FAM120B: variants seen among roughly 807,000 people sequenced by gnomAD.
The protein encoded by FAM120B is family with sequence similarity 120 member B.
A neutral mutation model predicts 96.3 loss-of-function variants in FAM120B; 83 were observed. That is an observed-to-expected ratio of 0.86 (90% confidence interval 0.72 to 1.03). FAM120B has a LOEUF of 1.03. Among genes scored for constraint, FAM120B ranks in the 50% least tolerant of loss-of-function variants. FAM120B has a pLI of 0.00. For missense variants in FAM120B, 1,027 were observed against 1,121.2 expected (o/e 0.92, Z 1.20); for synonymous variants, 407 against 402.7 (o/e 1.01, Z -0.13).
intron 9 of FAM120B, among the ~76,000 whole-genome samples, chr6:170,398,068 T>A (rs1218359956): frequency 6.6e-6 from 1 of 152,142 alleles, no homozygotes; most frequent in African/African-American, 2.4e-5. Flanking sequence ...GATGGGAGGA[T>A]GGGAAAGAGG....
chr6:170,367,981 CA>C (rs1475101520), intron 6 of FAM120B, among the ~76,000 whole-genome samples: 1 of 152,140 alleles, frequency 6.6e-6, no homozygotes, highest in Non-Finnish European at 1.5e-5. Flanking sequence ...GGGGGCCTTA[CA>C]AGCATCAAGT....
chr6:170,340,987 T>TCTC (rs1029159098), intron 4 of FAM120B, among the ~76,000 whole-genome samples: 21 of 152,328 alleles, frequency 1.4e-4, no homozygotes, highest in African/African-American at 4.3e-4. Flanking sequence ...GAGGAAGCAG[T>TCTC]CTGTCCCTCA....
chr6:170,313,304 G>T (rs1342790555), intron 1 of FAM120B, among the ~76,000 whole-genome samples: 1 of 152,174 alleles, frequency 6.6e-6, no homozygotes, highest in Non-Finnish European at 1.5e-5. Flanking sequence ...TCACTTTTTA[G>T]GCGGGGGAGG....
At chr6:170,300,615 C>T (rs979012508) in intron 1 of FAM120B, among the ~76,000 whole-genome samples, 1 of 152,214 alleles carries the variant, frequency 6.6e-6, no homozygotes, top group Non-Finnish European at 1.5e-5. Context: ...AAGTCTCTTC[C>T]ACCTATAAGC....
chr6:170,354,693 G>C (rs1445420870), intron 5 of FAM120B, among the ~76,000 whole-genome samples: 2 of 152,106 alleles, frequency 1.3e-5, no homozygotes, highest in Non-Finnish European at 2.9e-5. Context: ...GGAGGCTGAG[G>C]CAGGCAGATC....
At chr6:170,300,703 A>T (rs1398435973) in intron 1 of FAM120B, among the ~76,000 whole-genome samples, 2 of 152,224 alleles carry the variant, frequency 1.3e-5, no homozygotes, top group African/African-American at 4.8e-5. Flanking sequence ...CCCGTTCCAA[A>T]TAGGAGACAC....
chr6:170,313,309 G>A (rs1334525986), intron 1 of FAM120B, among the ~76,000 whole-genome samples: 2 of 152,264 alleles, frequency 1.3e-5, no homozygotes, highest in African/African-American at 4.8e-5. Context: ...TTTTAGGCGG[G>A]GGAGGAGAGG....
intron 5 of FAM120B, among the ~76,000 whole-genome samples, chr6:170,356,835 G>C (rs909908809): frequency 6.6e-6 from 1 of 152,134 alleles, no homozygotes; most frequent in Non-Finnish European, 1.5e-5. Flanking sequence ...ACTCATCTGA[G>C]AATATCCTCT....
chr6:170,399,585 C>T (rs76571044), intron 9 of FAM120B, among the ~76,000 whole-genome samples: 3 of 143,566 alleles, frequency 2.1e-5, no homozygotes, highest in African/African-American at 5.2e-5. Context: ...ATGTCATAAC[C>T]CTTAGGAGTG....
At chr6:170,322,964 AC>A in intron 2 of FAM120B, 114 bp from the exon 3 acceptor site, 1 of 809,330 alleles carries the variant, frequency 1.2e-6, no homozygotes. Flanking sequence ...AGGGTCAGTT[AC>A]ATTTCTGAGG....
At chr6:170,321,570 G>A (rs970205487) in intron 2 of FAM120B, among the ~76,000 whole-genome samples, 1 of 152,122 alleles carries the variant, frequency 6.6e-6, no homozygotes, top group Non-Finnish European at 1.5e-5. Flanking sequence ...GTAAAGATGG[G>A]GTTTCGCCAT....
intron 6 of FAM120B, among the ~76,000 whole-genome samples, chr6:170,379,178 G>C (rs1789760165): frequency 1.3e-5 from 2 of 152,156 alleles, no homozygotes; most frequent in South Asian, 4.1e-4. Flanking sequence ...TGTGGTCTGA[G>C]ACAGGAAAAA....
Position 170,368,820 on chromosome 6 carries a change from T to TGGG in FAM120B, c.2283+10510_2283+10512dup, listed in dbSNP as rs35789983. On this transcript the variant is annotated intron_variant, in intron 6 of 10. Transcript: ENST00000476287. ...CAGCAGCTCTGCTGTCTGCCGGGGC[T>TGGG]GGGGGGGGGGCTCCCTCCTGGCTTG... Among the ~76,000 whole-genome samples, 283 of 139,942 alleles carry TGGG rather than the reference T, an allele frequency of 2.0e-3. 3 individuals are homozygous for TGGG. Among genetic ancestry groups the TGGG allele is most frequent in the South Asian group, 4.4e-3 (20 of 4,524 alleles). 91.8% of individuals were successfully genotyped at this position (139,942 alleles called of 152,430 possible).
At chr6:170,311,560 C>G (rs1489651220) in intron 1 of FAM120B, among the ~76,000 whole-genome samples, 2 of 152,234 alleles carry the variant, frequency 1.3e-5, no homozygotes, top group Non-Finnish European at 2.9e-5. Context: ...TCAGGCCTTG[C>G]CTTGAGTACC....
chr6:170,372,471 C>T (rs891725800), intron 6 of FAM120B, among the ~76,000 whole-genome samples: 2 of 152,250 alleles, frequency 1.3e-5, no homozygotes, highest in African/African-American at 2.4e-5. Flanking sequence ...CTGTCTCATC[C>T]GGCTCTGTGA....
Position 170,373,809 on chromosome 6 carries a change from G to C in FAM120B, c.2284-14478G>C, listed in dbSNP as rs543714529. On this transcript the variant is annotated intron_variant, in intron 6 of 10. Transcript: ENST00000476287. ...TTGCAATGAACACACTTTTAAAATA[G>C]TATCTTCTGTCTCCCAGACCTCCAG... Among the ~76,000 whole-genome samples, 4 of 152,326 alleles carry C rather than the reference G, an allele frequency of 2.6e-5. No homozygotes were observed. The South Asian group carries it at 8.3e-4, about 32-fold the overall frequency.
chr6:170,320,181 C>T (rs943352397), intron 2 of FAM120B, among the ~76,000 whole-genome samples: 2 of 152,318 alleles, frequency 1.3e-5, no homozygotes, highest in East Asian at 1.9e-4. Flanking sequence ...ATGAGCACCA[C>T]CATCTTTCAT....
intron 9 of FAM120B, among the ~76,000 whole-genome samples, chr6:170,403,560 CCTGGCCTGAACTCT>C (rs1448108774): frequency 6.6e-6 from 1 of 152,130 alleles, no homozygotes; most frequent in Admixed American, 6.5e-5. Context: ...TCCTGGGGAG[CCTGGCCTGAACTCT>C]CTGGTCCACT....
chr6:170,399,787 T>G, intron 9 of FAM120B, among the ~76,000 whole-genome samples: 24 of 144,012 alleles, frequency 1.7e-4, no homozygotes, highest in Admixed American at 4.1e-4. Context: ...CCCTTAGGAG[T>G]GAGTGAGGAA....
Sources: gnomAD v4.1 joint callset for allele counts (sites outside exome capture counted in the v4.1 genomes callset) on GRCh38, gnomAD v4.1.1 for gene constraint, MANE v1.5 for transcripts, NCBI Gene and HGNC (gene_info 2026-07-23, HGNC 2026-07-21) for gene names.